The following PALB2 variants were observed in gnomAD, a reference collection of about 807,000 sequenced individuals.
The protein encoded by PALB2 is partner and localizer of BRCA2, also known as mutant partner and localizer of BRCA2.
PALB2 carries 82 observed loss-of-function variants against 107.4 expected under a neutral mutation model. The ratio of observed to expected loss-of-function variants is 0.76; its 90% CI spans 0.64 to 0.92. The LOEUF (loss-of-function observed/expected upper bound fraction) is 0.92, where lower values mean the gene tolerates loss of function less well. PALB2 is among the 40% of genes least tolerant of loss of function. The pLI, the probability that PALB2 is intolerant of heterozygous loss-of-function variation, is 0.00. For missense variants in PALB2, 1,374 were observed against 1,379.9 expected, an observed-to-expected ratio of 1.00 and a Z score of 0.07; for synonymous variants, 489 against 496.8, an observed-to-expected ratio of 0.98 and a Z score of 0.21.
chr16:23,636,316 CA>C lies in PALB2; in HGVS notation c.229del (p.Cys77ValfsTer100), dbSNP rs180177084. On this transcript the variant is annotated frameshift_variant, in exon 4 of 13. Transcript: ENST00000261584. LOFTEE classifies it high-confidence loss of function. ...LKHSEPKNKI[C>X]VYDKLHIKTH... ...TTTGATGTGTAACTTGTCATAAACA[CA>C]TATTTTATTTTTAGGTTCTGAGGAG... The C allele has an allele frequency of 1.2e-6, 2 of 1,608,822 alleles. No individual in the cohort carries two copies. Among genetic ancestry groups the C allele is most frequent in the Non-Finnish European group, 1.7e-6 (2 of 1,177,550 alleles).
At chr16:23,626,509 TTTA>T in intron 6 of PALB2, 112 bp from the exon 7 acceptor site, 1 of 1,340,184 alleles carries the variant, frequency 7.5e-7, no homozygotes, top group East Asian at 2.3e-5. Context: ...GTATGTAAAA[TTTA>T]AGTCTTATGC....
At chr16:23,631,870 G>A (rs1010877959) in intron 4 of PALB2, among the ~76,000 whole-genome samples, 2 of 152,056 alleles carry the variant, frequency 1.3e-5, no homozygotes, top group African/African-American at 2.4e-5. Flanking sequence ...GTTTCAAGAC[G>A]AGGTCTCACT....
rs200620434 is a variant in PALB2 at position 23,635,545 on chromosome 16, T to C, written c.1001A>G (p.Tyr334Cys). The change falls in exon 4 of 13, where the codon TAC becomes TGC. Residue 334 changes from tyrosine to cysteine, a missense_variant. By Grantham distance (194) the Tyr-to-Cys change is radical. Coordinates refer to ENST00000261584, the MANE Select transcript of PALB2 (RefSeq NM_024675.4). ...GTTTTCATTTGCTGGTAAGTTATTG[T>C]AGGTGAGTTCATTTAGAGAACATGA... ...NISCSLNELT[Y>C]NNLPANENQN... is the part of the protein sequence containing the mutation. 121 of 1,613,326 alleles carry C rather than the reference T, an allele frequency of 7.5e-5. No individual in the cohort carries two copies. Among genetic ancestry groups the C allele is most frequent in the Non-Finnish European group, 8.1e-5 (95 of 1,179,698 alleles).
chr16:23,635,006 C>G lies in PALB2; in HGVS notation c.1540G>C (p.Gly514Arg), dbSNP rs756778249. ...VAQAPGRRYTGKRKSACTPAS... is the reference protein window; with the variant it reads ...VAQAPGRRYTRKRKSACTPAS... ...GGGGTGCAGGCTGATTTTCTTTTTC[C>G]TGTGTATCTTCTACCAGGTGCTTGG... The change falls in exon 4 of 13, where the codon GGA (glycine) becomes CGA (arginine). Residue 514 changes from glycine (G) to arginine (R), a missense_variant. By Grantham distance (125) the Gly-to-Arg change is moderately radical (BLOSUM62 -2). Coordinates refer to ENST00000261584, the MANE Select transcript of PALB2 (RefSeq NM_024675.4). The G allele has an allele frequency of 6.2e-7, 1 of 1,614,080 alleles. No homozygotes were observed. The highest frequency in any genetic ancestry group is 1.1e-5 in the South Asian group (1 of 91,076).
At chr16:23,618,125 C>T (rs906610458) in intron 10 of PALB2, among the ~76,000 whole-genome samples, 8 of 152,010 alleles carry the variant, frequency 5.3e-5, no homozygotes, top group Non-Finnish European at 1.0e-4. Flanking sequence ...ATACCAAGTT[C>T]TCATCTCTAC....
chr16:23,622,257 AG>A (rs1395060229), intron 9 of PALB2, among the ~76,000 whole-genome samples: 3 of 152,216 alleles, frequency 2.0e-5, no homozygotes. Flanking sequence ...AGCTCAAGAA[AG>A]AGCTCAGAGG....
intron 7 of PALB2, 55 bp from the exon 8 acceptor site, chr16:23,624,149 TC>T (rs2142345255): frequency 8.1e-7 from 1 of 1,236,732 alleles, no homozygotes; most frequent in Non-Finnish European, 1.2e-6. Flanking sequence ...TTTTGTTTAA[TC>T]CAGATTTTCC....
chr16:23,630,233 T>G lies in PALB2; in HGVS notation c.1921A>C (p.Lys641Gln). ...TTAAGATGTCTCTCTCCAAACATTT[T>G]TGACTCAAAGGGCTCCACTGGTTTT... is the stretch of plus-strand genomic sequence containing the variant. ...SEKPVEPFES[K>Q]MFGERHLKEG... Residue 641 changes from lysine (K) to glutamine (Q), a missense_variant, in exon 5 of 13, where the codon AAA (lysine) becomes CAA (glutamine). Physicochemically the swap from Lys to Gln is moderately conservative, Grantham distance 53. Coordinates refer to ENST00000261584, the MANE Select transcript of PALB2 (RefSeq NM_024675.4). 1.9e-6 allele frequency: 3 copies of G among 1,614,198 alleles called. No homozygotes were observed. In the South Asian group the frequency reaches 3.3e-5, roughly 18 times the overall value.
intron 1 of PALB2, chr16:23,638,680 T>C (rs1259011958): frequency 5.5e-6 from 2 of 361,932 alleles, no homozygotes; most frequent in Admixed American, 3.8e-5. Context: ...GGGAGACAGA[T>C]AATAAATAAG....
intron 6 of PALB2, among the ~76,000 whole-genome samples, chr16:23,628,081 A>G (rs117064163): frequency 0.033 from 5,054 of 152,198 alleles, 117 homozygotes; most frequent in Middle Eastern, 0.088. Context: ...AAAATTAGCA[A>G]GGCGTGGTGG....
chr16:23,604,703 T>A (rs377375317), intron 12 of PALB2, among the ~76,000 whole-genome samples: 42 of 151,050 alleles, frequency 2.8e-4, no homozygotes, highest in Middle Eastern at 3.4e-3. Flanking sequence ...GAGGTGGAGG[T>A]TGCAGTGAGC....
rs2142421859 is a variant in PALB2 at position 23,635,307 on chromosome 16, T to C, written c.1239A>G (p.Thr413=). Residue 413 remains threonine, a synonymous_variant, in exon 4 of 13, where the codon ACA becomes ACG. Coordinates refer to ENST00000261584, the MANE Select transcript of PALB2 (RefSeq NM_024675.4). The part of the protein sequence containing the change: ...LFPAEYYVRT[T]RSMSNCQRKV... ...TCCTCTGGCAATTGGACATGCTTCG[T>C]GTTGTTCTAACATAATATTCTGCAG... 1 of 1,614,156 alleles carries C rather than the reference T, an allele frequency of 6.2e-7. No individual in the cohort carries two copies. Among genetic ancestry groups the C allele is most frequent in the Non-Finnish European group, 8.5e-7 (1 of 1,180,028 alleles).
intron 6 of PALB2, among the ~76,000 whole-genome samples, chr16:23,628,969 T>C (rs997578315): frequency 6.6e-6 from 1 of 152,184 alleles, no homozygotes; most frequent in Non-Finnish European, 1.5e-5. Context: ...TTCAGTTACT[T>C]AGCCTAAGTT....
chr16:23,604,027 G>A (rs1044350781), intron 12 of PALB2, among the ~76,000 whole-genome samples: 9 of 152,196 alleles, frequency 5.9e-5, no homozygotes, highest in African/African-American at 2.2e-4. Flanking sequence ...TAGCATGGCT[G>A]AGTTCTTGTC....
chr16:23,635,905 G>T lies in PALB2; in HGVS notation c.641C>A (p.Thr214Lys), dbSNP rs1967032138. Residue 214 changes from threonine to lysine, a missense_variant, in exon 4 of 13, where the codon ACA (threonine) becomes AAA (lysine). Coordinates refer to ENST00000261584, the MANE Select transcript of PALB2 (RefSeq NM_024675.4). ...SELPDSPEPVTEINEDSVLIP... is the reference protein window; with the variant it reads ...SELPDSPEPVKEINEDSVLIP... ...TAATACACTGTCTTCATTAATTTCT[G>T]TAACTGGTTCTGGAGAATCTGGAAG... The T allele has an allele frequency of 1.9e-6, 3 of 1,614,116 alleles. No homozygotes were observed. In the South Asian group the frequency reaches 3.3e-5, roughly 18 times the overall value.
intron 11 of PALB2, among the ~76,000 whole-genome samples, chr16:23,611,780 G>T (rs1055249427): frequency 6.6e-6 from 1 of 152,004 alleles, no homozygotes; most frequent in African/African-American, 2.4e-5. Context: ...TTGGGACAGG[G>T]TCTCACTCTA....
chr16:23,614,454 C>T (rs1170747012), intron 10 of PALB2, among the ~76,000 whole-genome samples: 6 of 151,996 alleles, frequency 3.9e-5, no homozygotes, highest in African/African-American at 9.7e-5. Context: ...TGGAAGACAA[C>T]GGCCAGGAAA....
chr16:23,635,289 G>A lies in PALB2; in HGVS notation c.1257C>T (p.Cys419=), dbSNP rs786201086. Residue 419 remains cysteine (C), a synonymous_variant, in exon 4 of 13, where the codon TGC becomes TGT. Coordinates refer to ENST00000261584, the MANE Select transcript of PALB2 (RefSeq NM_024675.4). ...YVRTTRSMSN[C]QRKVAVEAVI... ...CAGCCTCCACGGCTACTTTCCTCTG[G>A]CAATTGGACATGCTTCGTGTTGTTC... 4 of 1,613,948 alleles carry A rather than the reference G, an allele frequency of 2.5e-6. No homozygotes were observed. Among genetic ancestry groups the A allele is most frequent in the East Asian group, 2.2e-5 (1 of 44,898 alleles).
chr16:23,606,311 T>C (rs1001071603), intron 12 of PALB2, among the ~76,000 whole-genome samples: 2 of 150,972 alleles, frequency 1.3e-5, no homozygotes, highest in African/African-American at 4.9e-5. Context: ...GAAGCTGAGA[T>C]GGGAAGATGG....
Sources: gnomAD v4.1 joint callset for allele counts (sites outside exome capture counted in the v4.1 genomes callset) on GRCh38, gnomAD v4.1.1 for gene constraint, MANE v1.5 for transcripts, NCBI Gene and HGNC (gene_info 2026-07-23, HGNC 2026-07-21) for gene names.